The following CASC3 variants were observed in gnomAD, a reference collection of about 807,000 sequenced individuals.
The protein encoded by CASC3 is CASC3 exon junction complex subunit, also known as protein CASC3.
Under a neutral mutation model 80.5 loss-of-function variants are expected in CASC3, and 30 were observed. The ratio of observed to expected loss-of-function variants is 0.37; its 90% CI spans 0.28 to 0.51. The LOEUF is 0.51. Ranked by LOEUF, CASC3 falls within the 20% of genes least tolerant of loss-of-function variation. The pLI is 0.94. For missense variants in CASC3, 824 were observed against 922.2 expected, an observed-to-expected ratio of 0.89 and a Z score of 1.38; for synonymous variants, 312 against 333.6, an observed-to-expected ratio of 0.94 and a Z score of 0.70.
chr17:40,168,638 T>C, intron 11 of CASC3: 1 of 509,174 alleles, frequency 2.0e-6, no homozygotes, highest in Non-Finnish European at 3.6e-6. Flanking sequence ...TGCCCAGGCT[T>C]GGAGTGCAGT....
At chr17:40,158,057 T>G (rs1170381090) in intron 3 of CASC3, among the ~76,000 whole-genome samples, 1 of 152,124 alleles carries the variant, frequency 6.6e-6, no homozygotes, top group Admixed American at 6.6e-5. Flanking sequence ...GCAACTTCTA[T>G]TGAAAAAAAA....
chr17:40,165,171 C>T (rs1444589065), intron 7 of CASC3, among the ~76,000 whole-genome samples: 1 of 151,954 alleles, frequency 6.6e-6, no homozygotes, highest in Non-Finnish European at 1.5e-5. Flanking sequence ...GATCCGCCCA[C>T]CTTGGCCTCC....
chr17:40,147,577 G>C (rs1429889268), intron 3 of CASC3, among the ~76,000 whole-genome samples: 1 of 152,066 alleles, frequency 6.6e-6, no homozygotes, highest in Non-Finnish European at 1.5e-5. Context: ...AGCCCAGGGA[G>C]GTCAAAGCAG....
chr17:40,161,476 C>T (rs1324647551), intron 3 of CASC3, among the ~76,000 whole-genome samples: 1 of 152,136 alleles, frequency 6.6e-6, no homozygotes, highest in South Asian at 2.1e-4. Flanking sequence ...ATCAGGAGTT[C>T]AAGACCAGCC....
At chr17:40,151,326 G>A (rs1989001634) in intron 3 of CASC3, among the ~76,000 whole-genome samples, 2 of 152,034 alleles carry the variant, frequency 1.3e-5, no homozygotes, top group Non-Finnish European at 2.9e-5. Flanking sequence ...ATTCTCGTTC[G>A]TCAGCCTCCC....
chr17:40,161,647 C>A, intron 3 of CASC3, 106 bp from the exon 4 acceptor site: 1 of 971,918 alleles, frequency 1.0e-6, no homozygotes, highest in Non-Finnish European at 1.6e-6. Flanking sequence ...CCACTGTATT[C>A]CAGCCTGGGT....
At chr17:40,148,056 T>C (rs1314099927) in intron 3 of CASC3, among the ~76,000 whole-genome samples, 2 of 152,222 alleles carry the variant, frequency 1.3e-5, no homozygotes, top group Non-Finnish European at 2.9e-5. Flanking sequence ...ATTTAACTTC[T>C]GTATTTTCTG....
intron 11 of CASC3, 93 bp from the exon 12 acceptor site, chr17:40,169,231 C>A: frequency 8.0e-7 from 1 of 1,250,394 alleles, no homozygotes; most frequent in Non-Finnish European, 1.1e-6. Context: ...ATAAATTCCC[C>A]AATTCTCTTA....
At position 40,157,358 on chromosome 17, in the gene CASC3, TAAATA is replaced by T. The variant is rs1567680526; in HGVS notation, c.298-4392_298-4388del. 1.6e-3 allele frequency among the ~76,000 whole-genome samples: 243 copies of T among 147,914 alleles called. 1 individual carries two copies. Among genetic ancestry groups the T allele is most frequent in the African/African-American group, 5.8e-3 (234 of 40,036 alleles). ...ACTCCGTCTCAAATAAATAAATAAATAAATAAATAAATTAATTAATTAATTAATTA... is the reference window on the plus strand; with the variant it reads ...ACTCCGTCTCAAATAAATAAATAAATAATAAATTAATTAATTAATTAATTA... On this transcript the variant is annotated intron_variant, in intron 3 of 13. Transcript: ENST00000264645.
intron 3 of CASC3, among the ~76,000 whole-genome samples, chr17:40,143,295 AATT>A (rs1242690337): frequency 6.6e-6 from 1 of 151,560 alleles, no homozygotes; most frequent in African/African-American, 2.4e-5. Context: ...AAAATACAAA[AATT>A]AGCAGCTCAT....
chr17:40,141,015 T>A, intron 1 of CASC3, 192 bp from the exon 2 acceptor site: 1 of 641,556 alleles, frequency 1.6e-6, no homozygotes, highest in Non-Finnish European at 2.7e-6. Flanking sequence ...AGCGGATGTT[T>A]TATTCAGAAG....
chr17:40,154,320 A>G (rs1304947536), intron 3 of CASC3, among the ~76,000 whole-genome samples: 2 of 151,632 alleles, frequency 1.3e-5, no homozygotes, highest in African/African-American at 4.8e-5. Flanking sequence ...TCAGTAGTTG[A>G]GACTATAGGC....
chr17:40,166,695 G>A (rs1350777496), intron 7 of CASC3, 102 bp from the exon 8 acceptor site: 13 of 681,394 alleles, frequency 1.9e-5, no homozygotes, highest in Non-Finnish European at 3.2e-5. Context: ...AAAGAAAAAA[G>A]GCATTCCTTA....
rs914740289 is a variant in CASC3 at position 40,164,110 on chromosome 17, C to G, written c.1415C>G (p.Ala472Gly). The change falls in exon 7 of 14, where the codon GCA becomes GGA. Residue 472 changes from alanine (A) to glycine (G), a missense_variant. Around this residue, in one of 3 missense-constraint regions of CASC3, gnomAD observed 464 missense variants for 506.0 expected, o/e 0.92. Transcript: ENST00000264645. ...LEQDVAQLNIAEQNWSPGQPS... is the reference protein window; with the variant it reads ...LEQDVAQLNIGEQNWSPGQPS... ...CAAGATGTGGCACAACTAAATATAGCAGAACAGAATTGGAGTCCGGGGCAG... is the reference window on the plus strand; with the variant it reads ...CAAGATGTGGCACAACTAAATATAGGAGAACAGAATTGGAGTCCGGGGCAG... 4.3e-6 allele frequency: 7 copies of G among 1,613,274 alleles called. No individual in the cohort carries two copies. Among genetic ancestry groups the G allele is most frequent in the East Asian group, 2.2e-5 (1 of 44,896 alleles).
At chr17:40,160,291 G>T (rs549196774) in intron 3 of CASC3, among the ~76,000 whole-genome samples, 13 of 152,222 alleles carry the variant, frequency 8.5e-5, no homozygotes, top group African/African-American at 2.6e-4. Context: ...TCAGCAGTTT[G>T]AGAACTGCCT....
In CASC3 at chr17:40,164,155, G is replaced by A. The variant is rs749781741; in HGVS notation, c.1460G>A (p.Arg487Gln). ...SPGQPSFLQP[R>Q]ELRGMPNHIH... ...GGGCAGCCTTCTTTCCTGCAACCACGGGAACTTCGAGGTAGGTATCATAGG... is the reference window on the plus strand; with the variant it reads ...GGGCAGCCTTCTTTCCTGCAACCACAGGAACTTCGAGGTAGGTATCATAGG... The change falls in exon 7 of 14, where the codon CGG (arginine) becomes CAG (glutamine). Residue 487 changes from arginine to glutamine, a missense_variant. Physicochemically the swap from Arg to Gln is conservative, Grantham distance 43. This residue lies in a region of CASC3 where 464 missense variants were observed against 506.0 expected (regional missense o/e 0.92). Coordinates refer to ENST00000264645, the MANE Select transcript of CASC3 (RefSeq NM_007359.5). 3.1e-6 allele frequency: 5 copies of A among 1,603,328 alleles called. No individual in the cohort carries two copies. Among genetic ancestry groups the A allele is most frequent in the South Asian group, 2.2e-5 (2 of 90,418 alleles).
At position 40,162,165 on chromosome 17, in the gene CASC3, T is replaced by TTGC. The variant is rs751010191; in HGVS notation, c.608+24_608+26dup. ...GAGGAGGAAGTCAGGTAAAAGCCAC[T>TTGC]TGCTGCTGCTGCTGTCTAACATGTA... On this transcript the variant is annotated intron_variant, in intron 5 of 13. Coordinates refer to ENST00000264645, the MANE Select transcript of CASC3 (RefSeq NM_007359.5). The TTGC allele has an allele frequency of 6.2e-7, 1 of 1,609,576 alleles. No individual in the cohort carries two copies. Among genetic ancestry groups the TTGC allele is most frequent in the East Asian group, 2.2e-5 (1 of 44,860 alleles).
At chr17:40,159,522 C>T (rs990585170) in intron 3 of CASC3, among the ~76,000 whole-genome samples, 2 of 149,318 alleles carry the variant, frequency 1.3e-5, no homozygotes, top group African/African-American at 2.5e-5. Flanking sequence ...ACTACAGGCA[C>T]GCACGCATCA....
rs1393310552 is a variant in CASC3, at chr17:40,140,717, G to A, written c.169G>A (p.Gly57Arg). Residue 57 changes from glycine (G) to arginine (R), a missense_variant, in exon 1 of 14, where the codon GGG (glycine) becomes AGG (arginine). Coordinates refer to ENST00000264645, the MANE Select transcript of CASC3 (RefSeq NM_007359.5). ...GCCTTCACAGCGCGGAGGCCGAACC[G>A]GGGCCCTTCATCTGCGGCGGGTGGA... ...SLPSQRGGRTGALHLRRVESG... is the reference protein window; with the variant it reads ...SLPSQRGGRTRALHLRRVESG... 3 of 1,562,068 alleles carry A rather than the reference G, an allele frequency of 1.9e-6. No individual in the cohort carries two copies. The highest frequency in any genetic ancestry group is 2.6e-6 in the Non-Finnish European group (3 of 1,155,630).
Sources: allele counts gnomAD v4.1 joint callset (sites outside exome capture counted in the v4.1 genomes callset), GRCh38; gene constraint gnomAD v4.1.1; regional missense constraint gnomAD v4.1.1; transcripts MANE v1.5; gene names NCBI Gene and HGNC (gene_info 2026-07-23, HGNC 2026-07-21).